Variants in EIF3B observed in about 807,000 individuals in gnomAD.
The protein encoded by EIF3B is eukaryotic translation initiation factor 3 subunit B.
In EIF3B, 10 loss-of-function variants were observed where a neutral mutation model predicts 104.6. That is an observed-to-expected ratio of 0.10 (90% CI 0.06 to 0.16). The LOEUF is 0.16. EIF3B is among the 10% of genes least tolerant of loss of function. The pLI is 1.00. For synonymous variants in EIF3B, 542 were observed against 417.2 expected (o/e 1.30, Z -3.65); for missense variants, 1,014 against 1,087.9 (o/e 0.93, Z 0.96).
rs751517862 is a variant in EIF3B at position 2,366,298 on chromosome 7, T to C, written c.1158-19T>C. 3.1e-6 allele frequency: 5 copies of C among 1,590,920 alleles called. No homozygotes were observed. Among genetic ancestry groups the C allele is most frequent in the East Asian group, 2.2e-5 (1 of 44,794 alleles). On this transcript the variant is annotated intron_variant, in intron 6 of 18. Transcript: ENST00000360876. ...CTCGTGAGAGGAGGATAGTGTACAG[T>C]GTTGCCCTTCTCTTCTAGGTACCTG...
Position 2,356,407 on chromosome 7 carries a change from C to T in EIF3B, c.499+987C>T, listed in dbSNP as rs115410446. Among the ~76,000 whole-genome samples the T allele has an allele frequency of 8.8e-3, 1,336 of 152,066 alleles. 17 individuals are homozygous for T. Among genetic ancestry groups the T allele is most frequent in the African/African-American group, 0.026 (1,084 of 41,474 alleles). On this transcript the variant is annotated intron_variant, in intron 1 of 18. Coordinates refer to ENST00000360876, the MANE Select transcript of EIF3B (RefSeq NM_001037283.2). ...ACGGGTGGATCACGAGGTCACCATC[C>T]TGGCTAACACGGTGAAACCCCGTCT...
At chr7:2,373,009 C>T in intron 12 of EIF3B, 4 of 391,288 alleles carry the variant, frequency 1.0e-5, no homozygotes, top group Non-Finnish European at 1.8e-5. Flanking sequence ...GTTGAGCCCT[C>T]ACGTTTAAGC....
chr7:2,362,023 G>C (rs553823183), intron 2 of EIF3B, among the ~76,000 whole-genome samples: 20 of 151,282 alleles, frequency 1.3e-4, no homozygotes, highest in African/African-American at 4.6e-4. Flanking sequence ...GCAGTGGCAC[G>C]ATCTTGGCTC....
intron 1 of EIF3B, among the ~76,000 whole-genome samples, chr7:2,357,422 G>A (rs1420345127): frequency 2.0e-5 from 3 of 152,152 alleles, no homozygotes; most frequent in Non-Finnish European, 4.4e-5. Context: ...TGCCCTTCAG[G>A]GTCATTGTGC....
chr7:2,371,634 T>G (rs1414866756), intron 10 of EIF3B, 143 bp from the exon 11 acceptor site: 5 of 679,110 alleles, frequency 7.4e-6, no homozygotes, highest in Non-Finnish European at 1.3e-5. Context: ...TCCTGAGGGC[T>G]GTGGCTTTCA....
chr7:2,363,983 C>T (rs1365667068), intron 5 of EIF3B, among the ~76,000 whole-genome samples: 1 of 152,138 alleles, frequency 6.6e-6, no homozygotes, highest in African/African-American at 2.4e-5. Flanking sequence ...CAGAATAGGC[C>T]GGGCGCGGTG....
chr7:2,357,880 G>A (rs1779537379), intron 1 of EIF3B, among the ~76,000 whole-genome samples: 1 of 152,118 alleles, frequency 6.6e-6, no homozygotes, highest in Non-Finnish European at 1.5e-5. Flanking sequence ...GCTTTTTATT[G>A]CAGCCTTATA....
intron 8 of EIF3B, 40 bp from the exon 9 acceptor site, chr7:2,366,959 A>G (rs1780057934): frequency 1.9e-6 from 3 of 1,596,834 alleles, no homozygotes; most frequent in Non-Finnish European, 1.7e-6. Flanking sequence ...AGACACTGAC[A>G]TGATTTGACT....
intron 2 of EIF3B, among the ~76,000 whole-genome samples, chr7:2,361,923 C>T: frequency 6.6e-6 from 1 of 151,008 alleles, no homozygotes; most frequent in Non-Finnish European, 1.5e-5. Context: ...ATTACAGGCG[C>T]ACACTACCAC....
chr7:2,361,066 A>G (rs1779701087), intron 2 of EIF3B, among the ~76,000 whole-genome samples, 164 bp downstream of exon 2: 1 of 152,172 alleles, frequency 6.6e-6, no homozygotes, highest in Non-Finnish European at 1.5e-5. Context: ...GCAGTGAATG[A>G]GAAGATGATA....
At chr7:2,379,911 C>A in intron 18 of EIF3B, 1 of 257,566 alleles carries the variant, frequency 3.9e-6, no homozygotes, top group Non-Finnish European at 7.7e-6. Context: ...CAAGAGCCTT[C>A]CAAGTCGGGG....
intron 15 of EIF3B, 35 bp from the exon 16 acceptor site, chr7:2,378,654 A>T: frequency 6.3e-7 from 1 of 1,582,504 alleles, no homozygotes; most frequent in Non-Finnish European, 8.7e-7. Flanking sequence ...GTTGCTTTGA[A>T]TGTTAAATCC....
At chr7:2,375,839 C>T (rs1026115796) in intron 14 of EIF3B, 2 of 333,334 alleles carry the variant, frequency 6.0e-6, no homozygotes, top group Non-Finnish European at 1.1e-5. Flanking sequence ...GAACAGAGTT[C>T]CATAACCGCA....
intron 1 of EIF3B, among the ~76,000 whole-genome samples, chr7:2,355,901 C>G (rs1746673251): frequency 1.3e-5 from 2 of 152,226 alleles, no homozygotes; most frequent in Non-Finnish European, 2.9e-5. Flanking sequence ...CAGAATTGTC[C>G]ATCTCCAGAG....
chr7:2,363,005 G>T, intron 3 of EIF3B, 65 bp from the exon 4 acceptor site: 1 of 1,578,044 alleles, frequency 6.3e-7, no homozygotes, highest in Non-Finnish European at 8.7e-7. Context: ...CCATGCTGGA[G>T]CCCCCACGAG....
chr7:2,356,851 C>T (rs1247831231), intron 1 of EIF3B, among the ~76,000 whole-genome samples: 3 of 151,620 alleles, frequency 2.0e-5, no homozygotes, highest in Admixed American at 2.0e-4. Flanking sequence ...TACTATATTA[C>T]ACTTTTTTTT....
intron 13 of EIF3B, chr7:2,375,055 C>CTTTCTGCTCTGAGTTAAAAGAATACCCT: frequency 2.8e-6 from 1 of 360,036 alleles, no homozygotes; most frequent in Non-Finnish European, 5.1e-6. Context: ...AAGCTTCCAG[C>CTTTCTGCTCTGAGTTAAAAGAATACCCT]TTTCTGCTCT....
rs760763167 is a variant in EIF3B, at chr7:2,366,468, G to A, written c.1289+20G>A. ...TTTTAAGTAAGTGGACCATTGTAAC[G>A]AGCTCTGTAGCCTTTGTCTTTTCAT... is the stretch of plus-strand genomic sequence containing the variant. On this transcript the variant is annotated intron_variant, in intron 7 of 18. Transcript: ENST00000360876. The A allele has an allele frequency of 1.5e-5, 25 of 1,613,874 alleles. No individual in the cohort carries two copies. The highest frequency in any genetic ancestry group is 2.0e-5 in the Non-Finnish European group (24 of 1,179,986).
intron 14 of EIF3B, 35 bp from the exon 15 acceptor site, chr7:2,376,915 C>CCTCTGTGTCCTGGTGTGTCCCTGCCCT (rs1562491757): frequency 3.1e-6 from 5 of 1,597,740 alleles, no homozygotes; most frequent in Non-Finnish European, 4.3e-6. Context: ...CTCTCTGACC[C>CCTCTGTGTCCTGGTGTGTCCCTGCCCT]CTCTGTGTCC....
Sources: allele counts gnomAD v4.1 joint callset (sites outside exome capture counted in the v4.1 genomes callset), GRCh38; gene constraint gnomAD v4.1.1; transcripts MANE v1.5; gene names NCBI Gene and HGNC (gene_info 2026-07-23, HGNC 2026-07-21).